The following AIG1 variants were observed in gnomAD, a reference collection of about 807,000 sequenced individuals.
The protein encoded by AIG1 is androgen-induced gene 1 protein.
A neutral mutation model predicts 31.4 loss-of-function variants in AIG1; 23 were observed. That is an observed-to-expected ratio of 0.73 (90% CI 0.53 to 1.04). The LOEUF (loss-of-function observed/expected upper bound fraction) is 1.04. Among genes scored for constraint, AIG1 ranks in the 50% least tolerant of loss-of-function variants. AIG1 has a pLI of 0.00. For synonymous variants in AIG1, 100 were observed against 110.5 expected (o/e 0.90, Z 0.60); for missense variants, 274 against 295.0 (o/e 0.93, Z 0.52).
At chr6:143,260,561 A>G (rs961315380) in intron 3 of AIG1, among the ~76,000 whole-genome samples, 1 of 152,216 alleles carries the variant, frequency 6.6e-6, no homozygotes, top group African/African-American at 2.4e-5. Flanking sequence ...CGCAAGAAAG[A>G]ATCAGGAAAA....
chr6:143,108,449 C>T lies in AIG1; in HGVS notation c.142-28386C>T, dbSNP rs562440158. On this transcript the variant is annotated intron_variant, in intron 1 of 5. Transcript: ENST00000357847. ...ATAGCACAACAAGCGAAATAGAATGCCTTAACTTTTCCTTTTCCCTGATCT... is the reference window on the plus strand; with the variant it reads ...ATAGCACAACAAGCGAAATAGAATGTCTTAACTTTTCCTTTTCCCTGATCT... 3.9e-5 allele frequency among the ~76,000 whole-genome samples: 6 copies of T among 152,200 alleles called. No individual in the cohort carries two copies. In the South Asian group the frequency reaches 1.2e-3, roughly 32 times the overall value.
chr6:143,298,388 A>T lies in AIG1; in HGVS notation c.515+14163A>T, dbSNP rs1193813540. Among the ~76,000 whole-genome samples, 1 of 152,230 alleles carries T rather than the reference A, an allele frequency of 6.6e-6. No individual in the cohort carries two copies. Among genetic ancestry groups the T allele is most frequent in the African/African-American group, 2.4e-5 (1 of 41,444 alleles). On this transcript the variant is annotated intron_variant, in intron 4 of 5. Transcript: ENST00000357847. The surrounding 1 kb of genome is among the most constrained non-coding windows in gnomAD (Gnocchi z 5.1). ...CACACATGCTAAACTTAAGCCAAAG[A>T]TATGTAAAGAATGTTAGAAAATGTA...
intron 1 of AIG1, among the ~76,000 whole-genome samples, chr6:143,079,686 T>C (rs1183458494): frequency 6.6e-6 from 1 of 152,136 alleles, no homozygotes; most frequent in Non-Finnish European, 1.5e-5. Flanking sequence ...TAAGACTGCA[T>C]ATTCATTCGA....
At chr6:143,249,053 TA>T (rs1225588130) in intron 3 of AIG1, among the ~76,000 whole-genome samples, 12 of 152,352 alleles carry the variant, frequency 7.9e-5, no homozygotes, top group African/African-American at 2.6e-4. Context: ...AGTATATAAT[TA>T]TATAGGATGA....
intron 4 of AIG1, among the ~76,000 whole-genome samples, chr6:143,309,136 A>G (rs180905072): frequency 1.3e-5 from 2 of 152,132 alleles, no homozygotes; most frequent in Non-Finnish European, 2.9e-5. Context: ...TATTAAAAGT[A>G]TTGAGTATTG....
intron 1 of AIG1, chr6:143,099,540 C>T (rs531025347): frequency 1.3e-5 from 2 of 152,330 alleles, no homozygotes; most frequent in Admixed American, 1.3e-4. Context: ...TTGCCTCCTG[C>T]CCTGAAGTAG....
intron 3 of AIG1, among the ~76,000 whole-genome samples, chr6:143,247,615 A>G (rs144351357): frequency 1.3e-5 from 2 of 152,340 alleles, no homozygotes; most frequent in East Asian, 3.9e-4. Flanking sequence ...GCCAAGGGAA[A>G]TGGCCAGACA....
chr6:143,154,421 G>A (rs1785528381), intron 2 of AIG1, among the ~76,000 whole-genome samples: 1 of 152,106 alleles, frequency 6.6e-6, no homozygotes, highest in Non-Finnish European at 1.5e-5. Context: ...ATCAACAGTT[G>A]CCAGGAGCTA....
intron 1 of AIG1, among the ~76,000 whole-genome samples, chr6:143,075,950 A>C (rs1007881001): frequency 2.6e-5 from 4 of 152,094 alleles, no homozygotes; most frequent in African/African-American, 9.7e-5. Context: ...GCATGATTTC[A>C]GTTCTTTTAA....
In AIG1 at chr6:143,128,444, T is replaced by C. The variant is rs144190277; in HGVS notation, c.142-8391T>C. Among the ~76,000 whole-genome samples, 27 of 152,276 alleles carry C rather than the reference T, an allele frequency of 1.8e-4. 1 individual carries two copies. In the East Asian group the frequency reaches 4.1e-3, roughly 23 times the overall value. On this transcript the variant is annotated intron_variant, in intron 1 of 5. Transcript: ENST00000357847. ...CTGATCTATTCCTATTTATATTTCT[T>C]GGAGAGACATGATACATTTGACCAC...
intron 1 of AIG1, among the ~76,000 whole-genome samples, chr6:143,087,608 C>T (rs1374090955): frequency 6.6e-6 from 1 of 152,160 alleles, no homozygotes; most frequent in African/African-American, 2.4e-5. Context: ...AAGCTCAGCT[C>T]AAGCTGTGAA....
At chr6:143,182,137 T>TA (rs1443207623) in intron 3 of AIG1, among the ~76,000 whole-genome samples, 1 of 152,166 alleles carries the variant, frequency 6.6e-6, no homozygotes, top group African/African-American at 2.4e-5. Context: ...GGGATCCTCC[T>TA]ACCCCAGCCT....
At chr6:143,195,410 C>G (rs1245985307) in intron 3 of AIG1, among the ~76,000 whole-genome samples, 6 of 152,178 alleles carry the variant, frequency 3.9e-5, no homozygotes, top group Admixed American at 2.0e-4. Flanking sequence ...AGTTTACACA[C>G]TGGAGAAATG....
chr6:143,098,509 A>G (rs968721473), intron 1 of AIG1, among the ~76,000 whole-genome samples: 40 of 152,106 alleles, frequency 2.6e-4, no homozygotes, highest in African/African-American at 8.2e-4. Context: ...TCTTCCCCTT[A>G]TAGTCTACAT....
At chr6:143,195,946 T>C (rs1366139773) in intron 3 of AIG1, among the ~76,000 whole-genome samples, 1 of 152,220 alleles carries the variant, frequency 6.6e-6, no homozygotes, top group Non-Finnish European at 1.5e-5. Flanking sequence ...CATCTTTTAC[T>C]TGATCCCGAA....
chr6:143,316,706 A>G lies in AIG1; in HGVS notation c.516-16576A>G, dbSNP rs150255444. Among the ~76,000 whole-genome samples, 501 of 152,234 alleles carry G rather than the reference A, an allele frequency of 3.3e-3. 1 individual carries two copies. The highest frequency in any genetic ancestry group is 0.011 in the African/African-American group (474 of 41,568). On this transcript the variant is annotated intron_variant, in intron 4 of 5. Coordinates refer to ENST00000357847, the MANE Select transcript of AIG1 (RefSeq NM_016108.4). ...CAAAGAAAAAAAATACAAAAGATAA[A>G]TGAAACAAAAAGCTGTTTCCTTGAA...
At position 143,293,873 on chromosome 6, in the gene AIG1, C is replaced by G. The variant is rs1351117282; in HGVS notation, c.515+9648C>G. ...TGTGATGCTGCTTGTGCTCTTGATG[C>G]TACTTGGCAATTTTCCTGTGGATTT... On this transcript the variant is annotated intron_variant, in intron 4 of 5. Transcript: ENST00000357847. This position sits in a 1 kb window ranked among gnomAD's most constrained non-coding sequence, Gnocchi z 4.8. 6.6e-6 allele frequency among the ~76,000 whole-genome samples: 1 copy of G among 152,128 alleles called. No individual in the cohort carries two copies. Among genetic ancestry groups the G allele is most frequent in the East Asian group, 1.9e-4 (1 of 5,184 alleles).
chr6:143,117,279 G>T (rs921357523), intron 1 of AIG1, among the ~76,000 whole-genome samples: 2 of 152,114 alleles, frequency 1.3e-5, no homozygotes, highest in African/African-American at 4.8e-5. Context: ...TGTTGATAAG[G>T]ACTTTGGCTT....
intron 3 of AIG1, among the ~76,000 whole-genome samples, chr6:143,231,563 A>C (rs56162220): frequency 0.096 from 14,649 of 152,228 alleles, 752 homozygotes; most frequent in South Asian, 0.17. Context: ...GTCCAGCAGA[A>C]ATATAATGCA....
Sources: allele counts gnomAD v4.1 joint callset (sites outside exome capture counted in the v4.1 genomes callset), GRCh38; gene constraint gnomAD v4.1.1; non-coding constraint Gnocchi (gnomAD v3.1); transcripts MANE v1.5; gene names NCBI Gene and HGNC (gene_info 2026-07-23, HGNC 2026-07-21).